The following ANKS1A variants were observed in gnomAD, a reference collection of about 807,000 sequenced individuals.
ANKS1A encodes the protein ankyrin repeat and SAM domain-containing protein 1A.
In ANKS1A, 55 loss-of-function variants were observed where a neutral mutation model predicts 120.3. The observed-to-expected ratio is 0.46, with a 90% confidence interval of 0.37 to 0.57. The LOEUF (loss-of-function observed/expected upper bound fraction) is 0.57. Ranked by LOEUF, ANKS1A falls within the 20% of genes least tolerant of loss-of-function variation. The pLI, the probability that ANKS1A is intolerant of heterozygous loss-of-function variation, is 0.00. For missense variants in ANKS1A, 1,123 were observed against 1,480.3 expected, an observed-to-expected ratio of 0.76 and a Z score of 3.96; for synonymous variants, 590 against 604.7, an observed-to-expected ratio of 0.98 and a Z score of 0.36.
intron 11 of ANKS1A, among the ~76,000 whole-genome samples, chr6:35,036,932 G>A (rs964807534): frequency 6.6e-6 from 1 of 152,236 alleles, no homozygotes; most frequent in African/African-American, 2.4e-5. Flanking sequence ...GGCTCCTCAG[G>A]TGGTTCTCAG....
intron 1 of ANKS1A, among the ~76,000 whole-genome samples, chr6:34,928,670 GGCACAGCACAGTTAA>G (rs2127471699): frequency 6.6e-6 from 1 of 152,260 alleles, no homozygotes; most frequent in East Asian, 1.9e-4. Context: ...AGGAAATTGA[GGCACAGCACAGTTAA>G]GTTTGCCTGG....
chr6:35,092,999 C>T (rs1778353632), downstream of ANKS1A, among the ~76,000 whole-genome samples: 1 of 151,992 alleles, frequency 6.6e-6, no homozygotes, highest in African/African-American at 2.4e-5. Context: ...CCCCTGACTT[C>T]CTGAACCCAG....
Position 35,089,266 on chromosome 6 carries a change from G to C in ANKS1A, c.*657G>C, listed in dbSNP as rs1386609823. 1.9e-5 allele frequency: 19 copies of C among 987,230 alleles called. No individual in the cohort carries two copies. The highest frequency in any genetic ancestry group is 5.2e-5 in the African/African-American group (3 of 57,238). The allele number at this position is 987,230 out of a possible 1,614,324, so 61.2% of individuals were successfully genotyped here. ...GCACCTGAGCAACTCAAAGGTTTCC[G>C]GTCCATTTCTGGGGTTCCCGATGGG... On this transcript the variant is annotated 3_prime_UTR_variant, in exon 24 of 24. Transcript: ENST00000360359.
intron 2 of ANKS1A, among the ~76,000 whole-genome samples, chr6:34,968,348 G>C (rs1236018240): frequency 1.3e-5 from 2 of 152,216 alleles, no homozygotes; most frequent in Admixed American, 6.5e-5. Context: ...CCAGGATGTT[G>C]AAGAATGTAA....
At chr6:35,034,315 G>A (rs1476958828) in intron 11 of ANKS1A, among the ~76,000 whole-genome samples, 1 of 152,118 alleles carries the variant, frequency 6.6e-6, no homozygotes, top group African/African-American at 2.4e-5. Context: ...TCTCTGTCTG[G>A]AGTCAAACCC....
chr6:35,097,535 C>A, the ANKS1A span, among the ~76,000 whole-genome samples: 12 of 150,452 alleles, frequency 8.0e-5, 1 homozygote, highest in Admixed American at 2.0e-4. Flanking sequence ...GGCTTCTAGA[C>A]CAAACAGGTG....
chr6:35,026,754 G>T (rs1446614472), intron 11 of ANKS1A, among the ~76,000 whole-genome samples: 1 of 152,056 alleles, frequency 6.6e-6, no homozygotes, highest in African/African-American at 2.4e-5. Context: ...ACTTAATATT[G>T]TCTTACAAAT....
At chr6:35,045,566 A>G (rs1775679392) in intron 11 of ANKS1A, among the ~76,000 whole-genome samples, 1 of 152,214 alleles carries the variant, frequency 6.6e-6, no homozygotes, top group Non-Finnish European at 1.5e-5. Context: ...GATCCAGTAC[A>G]TTCGAAATCC....
intron 10 of ANKS1A, among the ~76,000 whole-genome samples, chr6:35,002,734 T>TAAA (rs1277584516): frequency 6.6e-6 from 1 of 152,026 alleles, no homozygotes; most frequent in African/African-American, 2.4e-5. Flanking sequence ...AGAATCACCC[T>TAAA]GATCATTTCT....
At position 35,079,823 on chromosome 6, in the gene ANKS1A, C is replaced by A. The variant is rs751222177; in HGVS notation, c.2439C>A (p.Val813=). ...KNLWELELVN[V]LKVQLLGHRK... ...CCTCGCTGCTCCTCATCACCCAGGT[C>A]CTGAAGGTCCAGCTGCTCGGCCATC... Residue 813 remains valine, a splice_region_variant and synonymous_variant, in exon 16 of 24, where the codon GTC becomes GTA. Coordinates refer to ENST00000360359, the MANE Select transcript of ANKS1A (RefSeq NM_015245.3). 2 of 1,582,362 alleles carry A rather than the reference C, an allele frequency of 1.3e-6. No homozygotes were observed. The highest frequency in any genetic ancestry group is 2.3e-5 in the South Asian group (2 of 87,156).
At chr6:34,921,386 T>A (rs1768425774) in intron 1 of ANKS1A, among the ~76,000 whole-genome samples, 1 of 152,220 alleles carries the variant, frequency 6.6e-6, no homozygotes, top group African/African-American at 2.4e-5. Flanking sequence ...GGGTTTATTG[T>A]CCCTGTAGAA....
At chr6:35,024,875 C>G (rs938913603) in intron 11 of ANKS1A, among the ~76,000 whole-genome samples, 2 of 152,186 alleles carry the variant, frequency 1.3e-5, no homozygotes, top group Non-Finnish European at 2.9e-5. Flanking sequence ...TGCATTTCCA[C>G]TGATGATGAC....
At chr6:35,035,638 T>C (rs1207387962) in intron 11 of ANKS1A, among the ~76,000 whole-genome samples, 2 of 152,162 alleles carry the variant, frequency 1.3e-5, no homozygotes, top group African/African-American at 4.8e-5. Flanking sequence ...TGTTTTGAGT[T>C]CTACCTCAAG....
intron 1 of ANKS1A, among the ~76,000 whole-genome samples, chr6:34,942,463 A>G (rs1769581518): frequency 6.6e-6 from 1 of 152,244 alleles, no homozygotes; most frequent in Non-Finnish European, 1.5e-5. Context: ...TTTACGTTTC[A>G]TACTCCAAAT....
At chr6:34,958,417 T>C (rs139600797) in intron 1 of ANKS1A, among the ~76,000 whole-genome samples, 1 of 152,180 alleles carries the variant, frequency 6.6e-6, no homozygotes, top group African/African-American at 2.4e-5. Context: ...TCACCTGGGC[T>C]CCCTGGATCT....
the ANKS1A span, among the ~76,000 whole-genome samples, chr6:35,096,463 A>G: frequency 4.6e-5 from 7 of 152,230 alleles, no homozygotes; most frequent in Non-Finnish European, 1.0e-4. Context: ...CTAATTTAAT[A>G]GTGTGTTTAA....
intron 11 of ANKS1A, among the ~76,000 whole-genome samples, chr6:35,021,259 G>A (rs1040608349): frequency 2.6e-5 from 4 of 152,190 alleles, no homozygotes; most frequent in Non-Finnish European, 4.4e-5. Context: ...GGACCCCCGG[G>A]AGGTGGGGAA....
At chr6:34,973,381 G>T (rs960919415) in intron 3 of ANKS1A, among the ~76,000 whole-genome samples, 1 of 152,250 alleles carries the variant, frequency 6.6e-6, no homozygotes, top group African/African-American at 2.4e-5. Context: ...TGGGCCTGGT[G>T]ATGAACAGGC....
intron 1 of ANKS1A, among the ~76,000 whole-genome samples, chr6:34,926,046 G>A (rs1768699207): frequency 6.6e-6 from 1 of 152,188 alleles, no homozygotes; most frequent in South Asian, 2.1e-4. Context: ...GGCTGTAAAA[G>A]GCTCAGGTCT....
Sources: allele counts gnomAD v4.1 joint callset (sites outside exome capture counted in the v4.1 genomes callset), GRCh38; gene constraint gnomAD v4.1.1; transcripts MANE v1.5; gene names NCBI Gene and HGNC (gene_info 2026-07-23, HGNC 2026-07-21).